CAMKMT: variants seen among roughly 807,000 people sequenced by gnomAD.
CAMKMT encodes calmodulin-lysine N-methyltransferase.
CAMKMT carries 53 observed loss-of-function variants against 48.0 expected under a neutral mutation model. That is an observed-to-expected ratio of 1.10 (90% CI 0.89 to 1.39). The LOEUF (loss-of-function observed/expected upper bound fraction) is 1.39. Among genes scored for constraint, CAMKMT ranks in the 40% most tolerant of loss-of-function variants. The probability of loss-of-function intolerance (pLI) is 0.00; values close to 1 mark genes in which losing one functional copy is unlikely to be tolerated. For synonymous variants in CAMKMT, 165 were observed against 152.3 expected, an observed-to-expected ratio of 1.08 and a Z score of -0.61; for missense variants, 428 against 402.7, an observed-to-expected ratio of 1.06 and a Z score of -0.54.
chr2:44,640,835 AT>A (rs1673409714), intron 3 of CAMKMT, among the ~76,000 whole-genome samples: 1 of 152,204 alleles, frequency 6.6e-6, no homozygotes, highest in South Asian at 2.1e-4. Flanking sequence ...TAATATCTCA[AT>A]GTTAATCCAC....
chr2:44,767,361 T>A lies in CAMKMT; in HGVS notation c.894+800T>A, dbSNP rs1459888327. Among the ~76,000 whole-genome samples the A allele has an allele frequency of 2.0e-5, 3 of 152,212 alleles. No individual in the cohort carries two copies. In the East Asian group the frequency reaches 5.8e-4, roughly 29 times the overall value. ...TTTAACTTGTCATGATTTCACAAGT[T>A]GTAACTGCAGAAAAATAAAGGCCCG... is the stretch of plus-strand genomic sequence containing the variant. On this transcript the variant is annotated intron_variant, in intron 10 of 10. Coordinates refer to ENST00000378494, the MANE Select transcript of CAMKMT (RefSeq NM_024766.5).
Position 44,745,147 on chromosome 2 carries a change from G to A in CAMKMT, c.698+1451G>A, listed in dbSNP as rs1486681335. ...CATGAAAGTCAGATCAGAGAGCAGCGGCAAAAGGGAAGGGGCAGCATCTTC... is the reference window on the plus strand; with the variant it reads ...CATGAAAGTCAGATCAGAGAGCAGCAGCAAAAGGGAAGGGGCAGCATCTTC... On this transcript the variant is annotated intron_variant, in intron 8 of 10. Coordinates refer to ENST00000378494, the MANE Select transcript of CAMKMT (RefSeq NM_024766.5). Among the ~76,000 whole-genome samples the A allele has an allele frequency of 9.8e-5, 15 of 152,286 alleles. No individual in the cohort carries two copies. The East Asian group carries it at 1.9e-3, about 20-fold the overall frequency.
intron 3 of CAMKMT, among the ~76,000 whole-genome samples, chr2:44,426,918 A>T (rs927855618): frequency 6.6e-6 from 1 of 152,228 alleles, no homozygotes; most frequent in African/African-American, 2.4e-5. Flanking sequence ...ACAATTTTAA[A>T]CTAAACTACA....
chr2:44,376,790 GAAGGAAT>G (rs1679740940), intron 2 of CAMKMT, among the ~76,000 whole-genome samples: 1 of 152,130 alleles, frequency 6.6e-6, no homozygotes, highest in African/African-American at 2.4e-5. Flanking sequence ...TAATTAAAAT[GAAGGAAT>G]AATTTTCCCT....
intron 3 of CAMKMT, among the ~76,000 whole-genome samples, chr2:44,409,951 T>G (rs1321305726): frequency 6.6e-6 from 1 of 152,088 alleles, no homozygotes; most frequent in Non-Finnish European, 1.5e-5. Flanking sequence ...TAGAGTTTAA[T>G]GAAATAGACA....
At chr2:44,607,168 C>G (rs1035891371) in intron 3 of CAMKMT, among the ~76,000 whole-genome samples, 2 of 152,186 alleles carry the variant, frequency 1.3e-5, no homozygotes, top group African/African-American at 4.8e-5. Context: ...GCTCATCTGT[C>G]AAAGAATATT....
In CAMKMT at chr2:44,657,003, T is replaced by C. The variant is rs1007605232; in HGVS notation, c.377-47280T>C. Among the ~76,000 whole-genome samples, 4 of 152,202 alleles carry C rather than the reference T, an allele frequency of 2.6e-5. No homozygotes were observed. The highest frequency in any genetic ancestry group is 5.9e-5 in the Non-Finnish European group (4 of 68,042). ...AGAAAGAACCACAAAACTAAAATGA[T>C]TGATTTTTGACAGGGACATTCTGAA... is the stretch of plus-strand genomic sequence containing the variant. On this transcript the variant is annotated intron_variant, in intron 3 of 10. Coordinates refer to ENST00000378494, the MANE Select transcript of CAMKMT (RefSeq NM_024766.5). This position sits in a 1 kb window ranked among gnomAD's most constrained non-coding sequence, Gnocchi z 4.3.
At chr2:44,743,740 C>A in intron 8 of CAMKMT, 44 bp downstream of exon 8, 1 of 1,510,548 alleles carries the variant, frequency 6.6e-7, no homozygotes. Context: ...AAAAAAATAG[C>A]TTTGCTGGAG....
chr2:44,651,307 G>A (rs771453821), intron 3 of CAMKMT, among the ~76,000 whole-genome samples: 22 of 152,188 alleles, frequency 1.4e-4, no homozygotes, highest in Non-Finnish European at 2.6e-4. Flanking sequence ...ACTGACTTAC[G>A]CATCCTTTTT....
intron 3 of CAMKMT, among the ~76,000 whole-genome samples, chr2:44,703,197 T>G (rs987755505): frequency 2.4e-4 from 36 of 152,084 alleles, no homozygotes; most frequent in African/African-American, 8.2e-4. Context: ...TTTTGGAAAA[T>G]ACAAAAAAGC....
rs551292807 is a variant in CAMKMT, at chr2:44,668,919, C to T, written c.377-35364C>T. Among the ~76,000 whole-genome samples the T allele has an allele frequency of 2.0e-5, 3 of 152,058 alleles. No homozygotes were observed. In the South Asian group the frequency reaches 6.2e-4, roughly 32 times the overall value. On this transcript the variant is annotated intron_variant, in intron 3 of 10. Coordinates refer to ENST00000378494, the MANE Select transcript of CAMKMT (RefSeq NM_024766.5). ...GCCTCAGCCTCCCAAGTAGCTGGGA[C>T]TACAGGTGCCTGCCACAACGCCTGG...
At chr2:44,762,390 G>T (rs556384178) in intron 9 of CAMKMT, among the ~76,000 whole-genome samples, 1 of 152,324 alleles carries the variant, frequency 6.6e-6, no homozygotes, top group South Asian at 2.1e-4. Context: ...TAATAGTTTG[G>T]TTGCTAGGAA....
chr2:44,453,899 A>G (rs1239434426), intron 3 of CAMKMT, among the ~76,000 whole-genome samples: 3 of 152,064 alleles, frequency 2.0e-5, no homozygotes, highest in Non-Finnish European at 4.4e-5. Context: ...TCAGAGTTTA[A>G]AACAAGTAGT....
At chr2:44,541,958 G>T (rs1381020300) in intron 3 of CAMKMT, among the ~76,000 whole-genome samples, 3 of 151,822 alleles carry the variant, frequency 2.0e-5, no homozygotes, top group Non-Finnish European at 2.9e-5. Flanking sequence ...GAGAAACCCT[G>T]TCTCTACTAA....
chr2:44,655,391 G>A (rs916214230), intron 3 of CAMKMT, among the ~76,000 whole-genome samples: 1 of 152,152 alleles, frequency 6.6e-6, no homozygotes, highest in African/African-American at 2.4e-5. Context: ...AAGCCTGGAT[G>A]CTTTATTTGG....
Position 44,722,099 on chromosome 2 carries a change from A to C in CAMKMT, c.623+6746A>C, listed in dbSNP as rs551640783. 3.3e-5 allele frequency among the ~76,000 whole-genome samples: 5 copies of C among 151,880 alleles called. No homozygotes were observed. In the East Asian group the frequency reaches 9.7e-4, roughly 29 times the overall value. On this transcript the variant is annotated intron_variant, in intron 7 of 10. Coordinates refer to ENST00000378494, the MANE Select transcript of CAMKMT (RefSeq NM_024766.5). Reference sequence around the variant, plus strand: ...CAGGGCATTTGTCATTTTTGGTACTATTCCATTGTATGGATAGACCACACT... The same window carrying C: ...CAGGGCATTTGTCATTTTTGGTACTCTTCCATTGTATGGATAGACCACACT...
In CAMKMT at chr2:44,523,770, ATT is replaced by A. The variant is rs70937920; in HGVS notation, c.376+133489_376+133490del. On this transcript the variant is annotated intron_variant, in intron 3 of 10. Coordinates refer to ENST00000378494, the MANE Select transcript of CAMKMT (RefSeq NM_024766.5). ...AGAGAAGAGCCTCCAGAGAGCGAGCATTTTTTTTTTTTTTTTTTTTTTTTTGA... is the reference window on the plus strand; with the variant it reads ...AGAGAAGAGCCTCCAGAGAGCGAGCATTTTTTTTTTTTTTTTTTTTTTTGA... Among the ~76,000 whole-genome samples the A allele has an allele frequency of 9.7e-3, 870 of 89,790 alleles. 5 individuals are homozygous for A. The highest frequency in any genetic ancestry group is 0.03 in the African/African-American group (696 of 23,074). 58.9% of individuals were successfully genotyped at this position (89,790 alleles called of 152,430 possible).
rs1340450848 is a variant in CAMKMT, at chr2:44,503,763, A to G, written c.376+113458A>G. 2.0e-5 allele frequency among the ~76,000 whole-genome samples: 3 copies of G among 152,308 alleles called. No individual in the cohort carries two copies. The East Asian group carries it at 5.8e-4, about 29-fold the overall frequency. ...TTAGACTGCTGTGACAAAATACCTT[A>G]GACTGGTTGGCTTAAACAACAGAAA... On this transcript the variant is annotated intron_variant, in intron 3 of 10. Coordinates refer to ENST00000378494, the MANE Select transcript of CAMKMT (RefSeq NM_024766.5).
In CAMKMT at chr2:44,666,612, C is replaced by CTTTTTTTTTTTTTTTTTTTTTTT. The variant is rs1293884982; in HGVS notation, c.377-37654_377-37653insTTTTTTTTTTTTTTTTTTTTTTT. The stretch of plus-strand genomic sequence containing the variant: ...TTGATCTCCTTTTGGCTCCTGGAAT[C>CTTTTTTTTTTTTTTTTTTTTTTT]TTTTTTTTTTTTTTTTTGAGACAGA... On this transcript the variant is annotated intron_variant, in intron 3 of 10. Transcript: ENST00000378494. 2.2e-5 allele frequency among the ~76,000 whole-genome samples: 3 copies of CTTTTTTTTTTTTTTTTTTTTTTT among 133,974 alleles called. 1 individual carries two copies. Among genetic ancestry groups the CTTTTTTTTTTTTTTTTTTTTTTT allele is most frequent in the African/African-American group, 5.9e-5 (2 of 34,098 alleles). The allele number at this position is 133,974 out of a possible 152,430, so 87.9% of individuals were successfully genotyped here. A position where few individuals can be genotyped will look rare whatever the true frequency, so the allele number is the denominator to read the frequency against.
Sources: gnomAD v4.1 joint callset for allele counts (sites outside exome capture counted in the v4.1 genomes callset) on GRCh38, gnomAD v4.1.1 for gene constraint, Gnocchi (gnomAD v3.1) non-coding constraint, MANE v1.5 for transcripts, NCBI Gene and HGNC (gene_info 2026-07-23, HGNC 2026-07-21) for gene names.